The following DOK6 variants were observed in gnomAD, a reference collection of about 807,000 sequenced individuals.
DOK6 encodes the protein downstream of tyrosine kinase 6.
A neutral mutation model predicts 44.0 loss-of-function variants in DOK6; 22 were observed. That is an observed-to-expected ratio of 0.50 (90% CI 0.36 to 0.71). DOK6 has a LOEUF of 0.71. Ranked by LOEUF, DOK6 falls within the 30% of genes least tolerant of loss-of-function variation. DOK6 has a pLI of 0.00. For synonymous variants in DOK6, 166 were observed against 145.5 expected (o/e 1.14, Z -1.01); for missense variants, 340 against 416.4 (o/e 0.82, Z 1.60).
intron 1 of DOK6, chr18:69,469,654 C>A (rs1053128424): frequency 5.5e-5 from 13 of 235,934 alleles, no homozygotes; most frequent in African/African-American, 3.0e-4. Flanking sequence ...GGCTGCCTCA[C>A]CAGAGCCTGG....
intron 3 of DOK6, among the ~76,000 whole-genome samples, chr18:69,621,611 A>G (rs1251191331): frequency 6.6e-6 from 1 of 152,154 alleles, no homozygotes; most frequent in East Asian, 1.9e-4. Context: ...CATGGTGGTG[A>G]TTGAATTGAA....
intron 1 of DOK6, among the ~76,000 whole-genome samples, chr18:69,477,979 T>A (rs983026115): frequency 6.6e-6 from 1 of 152,188 alleles, no homozygotes; most frequent in East Asian, 1.9e-4. Flanking sequence ...TTTAAAAAAG[T>A]ATTATCGTTA....
intron 2 of DOK6, among the ~76,000 whole-genome samples, chr18:69,575,816 A>G (rs1983225245): frequency 6.6e-6 from 1 of 152,126 alleles, no homozygotes; most frequent in Non-Finnish European, 1.5e-5. Context: ...GAGAAGGAGA[A>G]AGCACATTAT....
At chr18:69,607,496 G>A (rs1984030604) in intron 3 of DOK6, among the ~76,000 whole-genome samples, 1 of 127,582 alleles carries the variant, frequency 7.8e-6, no homozygotes, top group East Asian at 2.4e-4. Context: ...CATTTCCTTG[G>A]ATATAAAAAA....
At chr18:69,499,323 A>C (rs942616386) in intron 1 of DOK6, among the ~76,000 whole-genome samples, 9 of 152,050 alleles carry the variant, frequency 5.9e-5, no homozygotes, top group African/African-American at 2.2e-4. Context: ...ATCCTGAAAA[A>C]TAGAAAACTG....
intron 5 of DOK6, among the ~76,000 whole-genome samples, chr18:69,731,737 A>C (rs968188787): frequency 1.3e-5 from 2 of 152,232 alleles, no homozygotes; most frequent in African/African-American, 2.4e-5. Flanking sequence ...TCTAATGCAG[A>C]GACTAAATAC....
chr18:69,406,627 G>A, intron 1 of DOK6, among the ~76,000 whole-genome samples: 1 of 152,162 alleles, frequency 6.6e-6, no homozygotes, highest in East Asian at 1.9e-4. Flanking sequence ...TACTTAAAGA[G>A]ATCTTTCAAA....
intron 1 of DOK6, among the ~76,000 whole-genome samples, chr18:69,474,209 T>C (rs1980198418): frequency 6.6e-6 from 1 of 152,164 alleles, no homozygotes; most frequent in Non-Finnish European, 1.5e-5. Context: ...ACTCTCTCTC[T>C]GGTTTTTGCT....
chr18:69,498,456 A>T (rs1363467774), intron 1 of DOK6, among the ~76,000 whole-genome samples: 1 of 152,176 alleles, frequency 6.6e-6, no homozygotes, highest in Admixed American at 6.5e-5. Flanking sequence ...TTATGCAAAT[A>T]ATTTGATATG....
chr18:69,500,713 A>G (rs1981024278), intron 1 of DOK6, among the ~76,000 whole-genome samples: 1 of 152,204 alleles, frequency 6.6e-6, no homozygotes, highest in Non-Finnish European at 1.5e-5. Flanking sequence ...AAATAGCTAG[A>G]TAGATGTGTT....
chr18:69,678,206 G>A (rs955198573), intron 4 of DOK6, among the ~76,000 whole-genome samples: 5 of 152,072 alleles, frequency 3.3e-5, no homozygotes, highest in African/African-American at 9.7e-5. Context: ...CCAAGATCAC[G>A]CCACTGCACT....
intron 3 of DOK6, among the ~76,000 whole-genome samples, chr18:69,641,108 C>T (rs923658998): frequency 6.6e-5 from 10 of 151,532 alleles, no homozygotes; most frequent in African/African-American, 2.4e-4. Flanking sequence ...CCCAGTTACT[C>T]GGGAGGCTGA....
intron 1 of DOK6, among the ~76,000 whole-genome samples, chr18:69,503,642 C>A (rs1157602946): frequency 6.6e-6 from 1 of 151,918 alleles, no homozygotes; most frequent in African/African-American, 2.4e-5. Context: ...TTCAGTTCAA[C>A]ATATATTATC....
chr18:69,741,862 C>T (rs1176325993), intron 6 of DOK6, among the ~76,000 whole-genome samples: 1 of 152,066 alleles, frequency 6.6e-6, no homozygotes, highest in African/African-American at 2.4e-5. Flanking sequence ...TCTAACTCTT[C>T]ATTTACTATT....
At chr18:69,532,279 G>A (rs926593849) in intron 1 of DOK6, among the ~76,000 whole-genome samples, 39 of 152,212 alleles carry the variant, frequency 2.6e-4, no homozygotes, top group African/African-American at 9.2e-4. Flanking sequence ...GTGTTCTGAG[G>A]AAGAGGAGCA....
chr18:69,608,962 A>AAAAC (rs1984069584), intron 3 of DOK6, among the ~76,000 whole-genome samples: 1 of 151,616 alleles, frequency 6.6e-6, no homozygotes, highest in South Asian at 2.1e-4. Context: ...AAAAAAAAAA[A>AAAAC]AACTTTCACT....
At chr18:69,587,068 T>A (rs1336871664) in intron 2 of DOK6, among the ~76,000 whole-genome samples, 1 of 152,234 alleles carries the variant, frequency 6.6e-6, no homozygotes, top group African/African-American at 2.4e-5. Context: ...TCTTTCTATT[T>A]TACGTTCATG....
intron 6 of DOK6, among the ~76,000 whole-genome samples, chr18:69,740,351 C>CA (rs1363543678): frequency 1.3e-5 from 2 of 152,284 alleles, no homozygotes; most frequent in African/African-American, 4.8e-5. Flanking sequence ...TATCAAATTT[C>CA]AAATTATTTC....
intron 7 of DOK6, among the ~76,000 whole-genome samples, chr18:69,767,429 C>G (rs1404955943): frequency 6.6e-6 from 1 of 152,152 alleles, no homozygotes; most frequent in Admixed American, 6.5e-5. Flanking sequence ...TAAACCACCT[C>G]TCCCATGCCT....
Sources: allele counts gnomAD v4.1 joint callset (sites outside exome capture counted in the v4.1 genomes callset), GRCh38; gene constraint gnomAD v4.1.1; transcripts MANE v1.5; gene names NCBI Gene and HGNC (gene_info 2026-07-23, HGNC 2026-07-21).